The following TXLNB variants were observed in gnomAD, a reference collection of about 807,000 sequenced individuals.
TXLNB encodes taxilin beta.
TXLNB carries 37 observed loss-of-function variants against 57.4 expected under a neutral mutation model. The observed-to-expected ratio is 0.64, with a 90% CI of 0.50 to 0.85. The LOEUF is 0.85. Ranked by LOEUF, TXLNB falls within the 40% of genes least tolerant of loss-of-function variation. The pLI is 0.00. For synonymous variants in TXLNB, 302 were observed against 309.6 expected, an observed-to-expected ratio of 0.98 and a Z score of 0.26; for missense variants, 848 against 825.6, an observed-to-expected ratio of 1.03 and a Z score of -0.33.
At chr6:139,307,010 T>C in the TXLNB span, among the ~76,000 whole-genome samples, 1 of 152,232 alleles carries the variant, frequency 6.6e-6, no homozygotes, top group Non-Finnish European at 1.5e-5. Context: ...TTTGGATCAT[T>C]ATTCCAGCTT....
At chr6:139,202,916 CT>C in the TXLNB span, among the ~76,000 whole-genome samples, 1 of 152,272 alleles carries the variant, frequency 6.6e-6, no homozygotes, top group African/African-American at 2.4e-5. Flanking sequence ...ATGAGCAGAA[CT>C]TTTTAAGCTC....
chr6:139,290,335 G>A (rs564465812), intron 1 of TXLNB, among the ~76,000 whole-genome samples: 36 of 152,248 alleles, frequency 2.4e-4, no homozygotes, highest in Non-Finnish European at 4.4e-4. Flanking sequence ...AGCCAAGATC[G>A]TGCCACTGCA....
At chr6:139,167,210 C>T in the TXLNB span, 1 of 1,614,176 alleles carries the variant, frequency 6.2e-7, no homozygotes. Context: ...AAACTGTGCC[C>T]TGTGCCACCG....
At chr6:139,254,929 C>T (rs1776297097) in intron 7 of TXLNB, among the ~76,000 whole-genome samples, 1 of 152,174 alleles carries the variant, frequency 6.6e-6, no homozygotes, top group Admixed American at 6.5e-5. Context: ...AGTGACTCTC[C>T]TGCCTCAGCC....
chr6:139,262,714 A>G lies in TXLNB; in HGVS notation c.747T>C (p.His249=). The part of the protein sequence containing the change: ...EEEKRKEITS[H]FQSTLTDIQG... Reference sequence around the variant, plus strand: ...GGATGTCCGTGAGGGTACTCTGGAAATGGCTTGTGATTTCCTTCCTTTTCT... The same window carrying G: ...GGATGTCCGTGAGGGTACTCTGGAAGTGGCTTGTGATTTCCTTCCTTTTCT... The change falls in exon 5 of 10, where the codon CAT becomes CAC. Residue 249 remains histidine, a synonymous_variant. Transcript: ENST00000358430. 1.2e-6 allele frequency: 2 copies of G among 1,614,106 alleles called. No homozygotes were observed. Among genetic ancestry groups the G allele is most frequent in the South Asian group, 2.2e-5 (2 of 91,068 alleles).
At chr6:139,252,532 G>A (rs921976958) in intron 7 of TXLNB, among the ~76,000 whole-genome samples, 2 of 152,194 alleles carry the variant, frequency 1.3e-5, no homozygotes, top group Non-Finnish European at 2.9e-5. Flanking sequence ...TGCAATTAGT[G>A]AGGCTGCCTG....
chr6:139,320,419 T>C, the TXLNB span, among the ~76,000 whole-genome samples: 2 of 152,230 alleles, frequency 1.3e-5, no homozygotes, highest in East Asian at 1.9e-4. Context: ...TATGAGTTGA[T>C]ATTTTCAGTC....
the TXLNB span, chr6:139,234,689 G>T: frequency 6.6e-6 from 1 of 152,324 alleles, no homozygotes; most frequent in African/African-American, 2.4e-5. Context: ...GAGCCCTCAT[G>T]GAGAACTTCT....
At chr6:139,259,628 G>C (rs888739383) in intron 6 of TXLNB, among the ~76,000 whole-genome samples, 1 of 152,110 alleles carries the variant, frequency 6.6e-6, no homozygotes, top group Non-Finnish European at 1.5e-5. Flanking sequence ...CTTAGTAGTG[G>C]TGATTATTGT....
chr6:139,253,903 T>C (rs1776271638), intron 7 of TXLNB, among the ~76,000 whole-genome samples: 2 of 152,178 alleles, frequency 1.3e-5, no homozygotes, highest in Non-Finnish European at 2.9e-5. Context: ...AGGCTCTGTG[T>C]GGTGAATGAG....
At chr6:139,273,310 G>T (rs779650644) in intron 3 of TXLNB, among the ~76,000 whole-genome samples, 1 of 152,132 alleles carries the variant, frequency 6.6e-6, no homozygotes, top group Non-Finnish European at 1.5e-5. Flanking sequence ...GCCTATTGTC[G>T]CCTGGTGAAC....
At chr6:139,267,971 T>G (rs1300467554) in intron 4 of TXLNB, among the ~76,000 whole-genome samples, 1 of 151,734 alleles carries the variant, frequency 6.6e-6, no homozygotes, top group Non-Finnish European at 1.5e-5. Flanking sequence ...GCCAAGATGG[T>G]GAAACCCCGT....
chr6:139,276,743 G>A lies in TXLNB; in HGVS notation c.516+87C>T, dbSNP rs143477978. 6.3e-4 allele frequency: 599 copies of A among 958,290 alleles called. 4 individuals carry two copies. The East Asian group carries it at 0.012, about 19-fold the overall frequency. The allele number at this position is 958,290 out of a possible 1,614,324, so 59.4% of individuals were successfully genotyped here. On this transcript the variant is annotated intron_variant, in intron 3 of 9. Transcript: ENST00000358430. ...ATGTTGCTGTTTACAATTCATTCTCGGATTGGCAGGTGTTTGTTGTTCCTT... is the reference window on the plus strand; with the variant it reads ...ATGTTGCTGTTTACAATTCATTCTCAGATTGGCAGGTGTTTGTTGTTCCTT...
At chr6:139,252,996 A>G (rs145150259) in intron 7 of TXLNB, among the ~76,000 whole-genome samples, 88 of 152,244 alleles carry the variant, frequency 5.8e-4, no homozygotes, top group Non-Finnish European at 1.1e-3. Flanking sequence ...CGTCTCAAAA[A>G]CAAACAAAAA....
chr6:139,246,326 T>C (rs984928122), intron 8 of TXLNB, among the ~76,000 whole-genome samples: 4 of 152,190 alleles, frequency 2.6e-5, no homozygotes, highest in Non-Finnish European at 4.4e-5. Flanking sequence ...CAAGTGCCAA[T>C]CTTCTTCAGG....
the TXLNB span, among the ~76,000 whole-genome samples, chr6:139,229,538 G>C: frequency 6.6e-6 from 1 of 152,132 alleles, no homozygotes; most frequent in African/African-American, 2.4e-5. Context: ...GGCCAGGCTG[G>C]TCTCGAACTC....
the TXLNB span, among the ~76,000 whole-genome samples, chr6:139,218,667 G>A: frequency 6.6e-6 from 1 of 152,090 alleles, no homozygotes; most frequent in Non-Finnish European, 1.5e-5. Context: ...GAGGAGAATC[G>A]CTTGAACCTG....
chr6:139,164,080 A>ACTCTCTCTCTCTCTCT, the TXLNB span, among the ~76,000 whole-genome samples: 4 of 148,172 alleles, frequency 2.7e-5, no homozygotes, highest in South Asian at 2.1e-4. Context: ...ACACACACAC[A>ACTCTCTCTCTCTCTCT]CTCTCTCTCT....
Position 139,291,110 on chromosome 6 carries a change from A to G in TXLNB, c.-15+811T>C, listed in dbSNP as rs139080313. Among the ~76,000 whole-genome samples the G allele has an allele frequency of 6.9e-3, 1,053 of 152,320 alleles. 6 individuals carry two copies. The highest frequency in any genetic ancestry group is 0.011 in the Non-Finnish European group (755 of 68,024). ...CCTCACTTGTTGATTGCACTCATCT[A>G]TATATAACTTAGGCCTCCCCTGAAC... On this transcript the variant is annotated intron_variant, in intron 1 of 9. Coordinates refer to ENST00000358430, the MANE Select transcript of TXLNB (RefSeq NM_153235.4).
Sources: allele counts gnomAD v4.1 joint callset (sites outside exome capture counted in the v4.1 genomes callset), GRCh38; gene constraint gnomAD v4.1.1; transcripts MANE v1.5; gene names NCBI Gene and HGNC (gene_info 2026-07-23, HGNC 2026-07-21).